The following ELF5 variants were observed in gnomAD, a reference collection of about 807,000 sequenced individuals.
The protein encoded by ELF5 is ETS-related transcription factor Elf-5.
A neutral mutation model predicts 38.2 loss-of-function variants in ELF5; 31 were observed. The observed-to-expected ratio is 0.81, with a 90% CI of 0.61 to 1.10. ELF5 has a LOEUF of 1.10. Among genes scored for constraint, ELF5 ranks in the 50% least tolerant of loss-of-function variants. The probability of loss-of-function intolerance (pLI) is 0.00; values close to 1 mark genes in which losing one functional copy is unlikely to be tolerated. For synonymous variants in ELF5, 121 were observed against 112.5 expected, an observed-to-expected ratio of 1.08 and a Z score of -0.48; for missense variants, 300 against 306.6, an observed-to-expected ratio of 0.98 and a Z score of 0.16.
At chr11:34,486,951 G>A (rs1484007451) in intron 4 of ELF5, among the ~76,000 whole-genome samples, 1 of 152,146 alleles carries the variant, frequency 6.6e-6, no homozygotes, top group Admixed American at 6.5e-5. Flanking sequence ...CTCATTTTTG[G>A]GTCAGGGAAT....
chr11:34,480,900 G>A lies in ELF5; in HGVS notation c.543C>T (p.Gly181=). The A allele has an allele frequency of 1.2e-6, 2 of 1,614,008 alleles. No individual in the cohort carries two copies. Among genetic ancestry groups the A allele is most frequent in the Non-Finnish European group, 8.5e-7 (1 of 1,180,016 alleles). Reference sequence around the variant, plus strand: ...GTTCCCTATCTTCCCATTCCAGAATGCCACAGTTTTCTTCAGGAGATAGAA... The same window carrying A: ...GTTCCCTATCTTCCCATTCCAGAATACCACAGTTTTCTTCAGGAGATAGAA... ...DLLLSPEENC[G]ILEWEDREQG... The change falls in exon 6 of 7, where the codon GGC becomes GGT. Residue 181 remains glycine (G), a synonymous_variant. Transcript: ENST00000257832.
Position 34,480,228 on chromosome 11 carries a change from T to A in ELF5, c.758A>T (p.Asp253Val). ...GATGCCTGGAGCAGATCATAGCTTGTCTTCCTGCCACCCGTGTGCATTTTT... is the reference window on the plus strand; with the variant it reads ...GATGCCTGGAGCAGATCATAGCTTGACTTCCTGCCACCCGTGTGCATTTTT... Reference protein sequence around the residue: ...FGKNAHGWQEDKL With the variant: ...FGKNAHGWQEVKL Residue 253 changes from aspartate (D) to valine (V), a missense_variant, in exon 7 of 7, where the codon GAC (aspartate) becomes GTC (valine). Physicochemically the swap from Asp to Val is radical, Grantham distance 152. Transcript: ENST00000257832. 6 of 1,613,972 alleles carry A rather than the reference T, an allele frequency of 3.7e-6. No homozygotes were observed. The highest frequency in any genetic ancestry group is 5.1e-6 in the Non-Finnish European group (6 of 1,179,876).
In ELF5 at chr11:34,493,536, C is replaced by T; in HGVS notation, c.298G>A (p.Ala100Thr). The T allele has an allele frequency of 2.5e-6, 4 of 1,614,176 alleles. No homozygotes were observed. Among genetic ancestry groups the T allele is most frequent in the Non-Finnish European group, 3.4e-6 (4 of 1,180,024 alleles). ...CSMTQEEFVE[A>T]AGLCGEYLYF... ...AGGTACTCGCCGCAGAGGCCAGCTG[C>T]CTCGACGAACTCCTCCTGTGTCATG... Residue 100 changes from alanine to threonine, a missense_variant, in exon 3 of 7, where the codon GCA becomes ACA. Coordinates refer to ENST00000257832, the MANE Select transcript of ELF5 (RefSeq NM_001422.4).
chr11:34,507,562 A>G (rs1290594419), intron 1 of ELF5, among the ~76,000 whole-genome samples: 1 of 152,222 alleles, frequency 6.6e-6, no homozygotes, highest in Non-Finnish European at 1.5e-5. Flanking sequence ...AAGGCAGAAA[A>G]GAACAGGCCT....
intron 2 of ELF5, among the ~76,000 whole-genome samples, chr11:34,502,885 C>T (rs1293185879): frequency 3.3e-5 from 5 of 152,190 alleles, no homozygotes; most frequent in African/African-American, 4.8e-5. Context: ...CTGGTCTAAC[C>T]TTTCATGACG....
chr11:34,500,966 C>T (rs982800899), intron 2 of ELF5, among the ~76,000 whole-genome samples: 19 of 148,318 alleles, frequency 1.3e-4, no homozygotes, highest in Non-Finnish European at 2.2e-4. Context: ...AGTATGTGCC[C>T]GTTATCATGC....
intron 1 of ELF5, among the ~76,000 whole-genome samples, chr11:34,511,988 C>T (rs891916236): frequency 3.9e-5 from 6 of 152,166 alleles, no homozygotes; most frequent in Admixed American, 3.9e-4. Context: ...CAAGATTGGG[C>T]TTCCTCAACC....
chr11:34,481,105 C>T (rs934154147), intron 5 of ELF5, 138 bp from the exon 6 acceptor site: 3 of 584,040 alleles, frequency 5.1e-6, no homozygotes, highest in Admixed American at 4.1e-5. Flanking sequence ...TCACTGCAAC[C>T]TCTGCCTCCT....
Position 34,493,339 on chromosome 11 carries a change from G to C in ELF5, c.355+140C>G, listed in dbSNP as rs1850225309. ...CCCAATTCTGGCATACTAGCTTCCA[G>C]TTATTGAAGGTTTGGATTAACGAGA... is the stretch of plus-strand genomic sequence containing the variant. On this transcript the variant is annotated intron_variant, in intron 3 of 6. Coordinates refer to ENST00000257832, the MANE Select transcript of ELF5 (RefSeq NM_001422.4). 4 of 799,852 alleles carry C rather than the reference G, an allele frequency of 5.0e-6. No homozygotes were observed. The Admixed American group carries it at 8.9e-5, about 18-fold the overall frequency. The allele number at this position is 799,852 out of a possible 1,614,324, so 49.5% of individuals were successfully genotyped here.
At chr11:34,481,332 T>A (rs1185100942) in intron 5 of ELF5, among the ~76,000 whole-genome samples, 1 of 152,130 alleles carries the variant, frequency 6.6e-6, no homozygotes. Context: ...CTTGTTTTTT[T>A]AATTTTAAGA....
intron 4 of ELF5, among the ~76,000 whole-genome samples, chr11:34,484,481 A>AT (rs111444312): frequency 0.15 from 17,582 of 115,856 alleles, 1,277 homozygotes; most frequent in African/African-American, 0.28. Context: ...ACACTATACT[A>AT]ACTATACTAT....
chr11:34,486,130 C>T (rs186428577), intron 4 of ELF5, among the ~76,000 whole-genome samples: 17 of 152,160 alleles, frequency 1.1e-4, no homozygotes, highest in Admixed American at 3.3e-4. Flanking sequence ...GCAGGGTTTC[C>T]GAAACAAGTT....
At chr11:34,504,680 G>A (rs1047930395) in intron 2 of ELF5, among the ~76,000 whole-genome samples, 6 of 152,250 alleles carry the variant, frequency 3.9e-5, no homozygotes, top group African/African-American at 1.4e-4. Context: ...TGAGCAGCGT[G>A]TGCTCCTGTT....
chr11:34,508,357 G>T (rs1850662099), intron 1 of ELF5, among the ~76,000 whole-genome samples: 1 of 152,068 alleles, frequency 6.6e-6, no homozygotes, highest in African/African-American at 2.4e-5. Context: ...ACAAACATTA[G>T]CTGGGTGTGT....
chr11:34,502,861 A>G (rs1341486195), intron 2 of ELF5, among the ~76,000 whole-genome samples: 1 of 152,154 alleles, frequency 6.6e-6, no homozygotes, highest in Non-Finnish European at 1.5e-5. Context: ...TCTGGAAGGG[A>G]TCCTAGCAAT....
intron 6 of ELF5, 108 bp from the exon 7 acceptor site, chr11:34,480,422 G>T: frequency 3.5e-6 from 3 of 860,972 alleles, no homozygotes; most frequent in South Asian, 3.0e-5. Context: ...GCTGGTCTTT[G>T]GTTACCCTGG....
At chr11:34,492,689 C>T (rs529477149) in intron 3 of ELF5, 2 of 152,362 alleles carry the variant, frequency 1.3e-5, no homozygotes, top group South Asian at 4.1e-4. Context: ...TGTCATTATC[C>T]CATTGGACAG....
intron 5 of ELF5, 44 bp from the exon 6 acceptor site, chr11:34,481,011 AAATTAATT>A (rs747114471): frequency 1.5e-6 from 2 of 1,355,170 alleles, no homozygotes; most frequent in Non-Finnish European, 2.0e-6. Flanking sequence ...ATTGTTTTTT[AAATTAATT>A]AATTAATTAA....
At chr11:34,487,149 A>G (rs1156878789) in intron 4 of ELF5, among the ~76,000 whole-genome samples, 1 of 151,350 alleles carries the variant, frequency 6.6e-6, no homozygotes, top group Non-Finnish European at 1.5e-5. Flanking sequence ...AGAGCCAGAG[A>G]TGGTCCTCAG....
Sources: allele counts gnomAD v4.1 joint callset (sites outside exome capture counted in the v4.1 genomes callset), GRCh38; gene constraint gnomAD v4.1.1; transcripts MANE v1.5; gene names NCBI Gene and HGNC (gene_info 2026-07-23, HGNC 2026-07-21).